The following DAW1 variants were observed in gnomAD, a reference collection of about 807,000 sequenced individuals.
DAW1 encodes the protein dynein assembly factor with WD repeat domains 1.
DAW1 carries 47 observed loss-of-function variants against 56.5 expected under a neutral mutation model. That is an observed-to-expected ratio of 0.83 (90% CI 0.66 to 1.06). DAW1 has a LOEUF of 1.06. DAW1 is among the 50% of genes least tolerant of loss of function. DAW1 has a pLI of 0.00. For synonymous variants in DAW1, 190 were observed against 179.0 expected, an observed-to-expected ratio of 1.06 and a Z score of -0.49; for missense variants, 505 against 499.3, an observed-to-expected ratio of 1.01 and a Z score of -0.11.
intron 10 of DAW1, among the ~76,000 whole-genome samples, chr2:227,918,260 C>T (rs1721355): frequency 0.48 from 73,430 of 151,520 alleles, 18,265 homozygotes; most frequent in Middle Eastern, 0.63. Context: ...ATATGCTTGG[C>T]GCTTTTGGCG....
At chr2:227,911,258 G>GTGTATATGTATA (rs1160617363) in intron 10 of DAW1, among the ~76,000 whole-genome samples, 3 of 139,908 alleles carry the variant, frequency 2.1e-5, no homozygotes, top group African/African-American at 8.3e-5. Context: ...ATATATACAC[G>GTGTATATGTATA]TGTATATACA....
chr2:227,913,905 G>T (rs1438153969), intron 10 of DAW1, among the ~76,000 whole-genome samples: 1 of 118,350 alleles, frequency 8.4e-6, no homozygotes. Context: ...CTGTCTGTCT[G>T]TCTGTCTGTC....
chr2:227,906,321 A>G lies in DAW1; in HGVS notation c.841A>G (p.Met281Val), dbSNP rs1691682623. Residue 281 changes from methionine (M) to valine (V), a missense_variant, in exon 9 of 13, where the codon ATG becomes GTG. By Grantham distance (21) the Met-to-Val change is conservative. Coordinates refer to ENST00000309931, the MANE Select transcript of DAW1 (RefSeq NM_178821.3). ...TTGCTCTCTAATATTAACTGGCTCT[A>G]TGGACAAAACCTGCAAGGTGAGCAA... Reference protein sequence around the residue: ...WDCSLILTGSMDKTCKLWDAT... With the variant: ...WDCSLILTGSVDKTCKLWDAT... 2 of 1,611,098 alleles carry G rather than the reference A, an allele frequency of 1.2e-6. No homozygotes were observed. Among genetic ancestry groups the G allele is most frequent in the East Asian group, 2.2e-5 (1 of 44,820 alleles).
chr2:227,909,447 A>T (rs1691767558), intron 10 of DAW1, among the ~76,000 whole-genome samples: 1 of 149,458 alleles, frequency 6.7e-6, no homozygotes, highest in African/African-American at 2.4e-5. Flanking sequence ...ATAGTATATA[A>T]ATACACACAC....
At chr2:227,893,665 C>G (rs1383867090) in intron 4 of DAW1, 130 bp from the exon 5 acceptor site, 1 of 1,386,118 alleles carries the variant, frequency 7.2e-7, no homozygotes, top group Non-Finnish European at 9.5e-7. Flanking sequence ...GAGCGAGACT[C>G]CCTCTTAAAC....
chr2:227,898,506 G>C (rs1379817504), intron 6 of DAW1, among the ~76,000 whole-genome samples: 2 of 152,030 alleles, frequency 1.3e-5, no homozygotes, highest in Non-Finnish European at 2.9e-5. Flanking sequence ...ATTTTTAGTA[G>C]AGATGGGGTT....
In DAW1 at chr2:227,885,203, G is replaced by A. The variant is rs886149344; in HGVS notation, c.41-148G>A. ...GGGAAAAGTTTGTCTACATGATCTTGTTTTGGAACTAGATATCACTGCTTA... is the reference window on the plus strand; with the variant it reads ...GGGAAAAGTTTGTCTACATGATCTTATTTTGGAACTAGATATCACTGCTTA... On this transcript the variant is annotated intron_variant, in intron 1 of 12. Coordinates refer to ENST00000309931, the MANE Select transcript of DAW1 (RefSeq NM_178821.3). 5 of 504,354 alleles carry A rather than the reference G, an allele frequency of 9.9e-6. No individual in the cohort carries two copies. The South Asian group carries it at 1.4e-4, about 14-fold the overall frequency. The allele number at this position is 504,354 out of a possible 1,614,324, so 31.2% of individuals were successfully genotyped here.
chr2:227,921,522 T>G lies in DAW1; in HGVS notation c.1174T>G (p.Ser392Ala). Residue 392 changes from serine to alanine, a missense_variant, in exon 12 of 13, where the codon TCA becomes GCA. Transcript: ENST00000309931. Reference protein sequence around the residue: ...VLEGHTDEIFSCAFNYKGNIV... With the variant: ...VLEGHTDEIFACAFNYKGNIV... ...TGAGGGGCACACTGATGAAATCTTT[T>G]CATGTGCTTTCAACTATAAAGGCAA... 6.2e-7 allele frequency: 1 copy of G among 1,614,014 alleles called. No individual in the cohort carries two copies. Among genetic ancestry groups the G allele is most frequent in the Non-Finnish European group, 8.5e-7 (1 of 1,179,972 alleles).
chr2:227,903,477 G>A (rs1195697326), intron 7 of DAW1, among the ~76,000 whole-genome samples: 1 of 152,140 alleles, frequency 6.6e-6, no homozygotes, highest in Non-Finnish European at 1.5e-5. Context: ...TCCTCTGCCC[G>A]CTGGTCTTTC....
Position 227,907,219 on chromosome 2 carries a change from A to G in DAW1, c.940A>G (p.Thr314Ala), listed in dbSNP as rs1691707627. The G allele has an allele frequency of 6.2e-7, 1 of 1,613,454 alleles. No homozygotes were observed. The highest frequency in any genetic ancestry group is 1.3e-5 in the African/African-American group (1 of 74,982). Residue 314 changes from threonine (T) to alanine (A), a missense_variant, in exon 10 of 13, where the codon ACT becomes GCT. Physicochemically the swap from Thr to Ala is moderately conservative, Grantham distance 58. Coordinates refer to ENST00000309931, the MANE Select transcript of DAW1 (RefSeq NM_178821.3). ...DEILDSCFDYTGKLIATASAD... is the reference protein window; with the variant it reads ...DEILDSCFDYAGKLIATASAD... The stretch of plus-strand genomic sequence containing the variant: ...AATACTAGACAGCTGCTTTGATTAC[A>G]CTGGAAAGCTTATTGCAACTGCTTC...
At chr2:227,917,142 A>ATCTATCTG (rs1162712241) in intron 10 of DAW1, among the ~76,000 whole-genome samples, 2,095 of 138,392 alleles carry the variant, frequency 0.015, 14 homozygotes, top group South Asian at 0.023. Flanking sequence ...CTATCTATCT[A>ATCTATCTG]TCTGTCTGTC....
chr2:227,918,897 A>G (rs763526449), intron 11 of DAW1, 41 bp downstream of exon 11: 2 of 1,599,868 alleles, frequency 1.3e-6, no homozygotes, highest in Non-Finnish European at 1.7e-6. Context: ...TTTACTTTCA[A>G]AAAATAAAGA....
rs16824206 is a variant in DAW1 at position 227,915,195 on chromosome 2, G to T, written c.974-3585G>T. On this transcript the variant is annotated intron_variant, in intron 10 of 12. Coordinates refer to ENST00000309931, the MANE Select transcript of DAW1 (RefSeq NM_178821.3). ...ATGATGCTCTGCTTTTATTCATGTT[G>T]TGTAGTGATGTAAACTATATCTTCA... 2.0e-3 allele frequency among the ~76,000 whole-genome samples: 309 copies of T among 152,134 alleles called. 1 individual carries two copies. The highest frequency in any genetic ancestry group is 7.0e-3 in the African/African-American group (291 of 41,520).
intron 8 of DAW1, 68 bp from the exon 9 acceptor site, chr2:227,906,168 C>T (rs1574663828): frequency 1.6e-6 from 2 of 1,270,996 alleles, no homozygotes; most frequent in East Asian, 2.4e-5. Flanking sequence ...TGGGCTTGGC[C>T]TCATTATTCA....
At chr2:227,916,279 A>T (rs1230429804) in intron 10 of DAW1, among the ~76,000 whole-genome samples, 1 of 152,170 alleles carries the variant, frequency 6.6e-6, no homozygotes, top group Non-Finnish European at 1.5e-5. Flanking sequence ...ATACTTATGC[A>T]TGATATTATG....
intron 2 of DAW1, among the ~76,000 whole-genome samples, chr2:227,886,947 G>A (rs1438728966): frequency 6.6e-6 from 1 of 152,224 alleles, no homozygotes; most frequent in Non-Finnish European, 1.5e-5. Flanking sequence ...TTTGTGGCCT[G>A]AGACCGTAAG....
At chr2:227,880,663 A>C (rs1176068888) in intron 1 of DAW1, among the ~76,000 whole-genome samples, 1 of 152,224 alleles carries the variant, frequency 6.6e-6, no homozygotes, top group African/African-American at 2.4e-5. Context: ...ATTACGCAAC[A>C]GCTGCTTAGA....
intron 1 of DAW1, among the ~76,000 whole-genome samples, chr2:227,874,012 G>A (rs899562800): frequency 2.0e-5 from 3 of 152,132 alleles, no homozygotes; most frequent in Non-Finnish European, 4.4e-5. Flanking sequence ...ATTAGGCATA[G>A]GTAGATAGTA....
chr2:227,883,038 T>C (rs1164250719), intron 1 of DAW1, among the ~76,000 whole-genome samples: 1 of 152,194 alleles, frequency 6.6e-6, no homozygotes, highest in Non-Finnish European at 1.5e-5. Context: ...GTTGCTTGAA[T>C]TACGAGATGA....
Sources: allele counts gnomAD v4.1 joint callset (sites outside exome capture counted in the v4.1 genomes callset), GRCh38; gene constraint gnomAD v4.1.1; transcripts MANE v1.5; gene names NCBI Gene and HGNC (gene_info 2026-07-23, HGNC 2026-07-21).